The following URB1 variants were observed in gnomAD, a reference collection of about 807,000 sequenced individuals.
The protein encoded by URB1 is URB1 ribosome biogenesis factor, also known as nucleolar pre-ribosomal-associated protein 1.
A neutral mutation model predicts 242.3 loss-of-function variants in URB1; 197 were observed. The ratio of observed to expected loss-of-function variants is 0.81; its 90% CI spans 0.72 to 0.91. The LOEUF (loss-of-function observed/expected upper bound fraction) is 0.91. URB1 is among the 40% of genes least tolerant of loss of function. The pLI is 0.00. For synonymous variants in URB1, 1,153 were observed against 1,201.8 expected (o/e 0.96, Z 0.84); for missense variants, 2,721 against 2,860.5 (o/e 0.95, Z 1.11).
chr21:32,320,460 G>T, intron 35 of URB1, 71 bp downstream of exon 35: 1 of 1,134,802 alleles, frequency 8.8e-7, no homozygotes, highest in Non-Finnish European at 1.3e-6. Flanking sequence ...AACAGAGCTG[G>T]CAGCAGACGT....
intron 14 of URB1, among the ~76,000 whole-genome samples, chr21:32,358,633 C>T (rs796826855): frequency 6.6e-6 from 1 of 152,096 alleles, no homozygotes; most frequent in Admixed American, 6.5e-5. Context: ...TAAGGTGGGG[C>T]GCAGGATATA....
intron 3 of URB1, among the ~76,000 whole-genome samples, chr21:32,383,773 T>C (rs2033552493): frequency 6.6e-6 from 1 of 152,108 alleles, no homozygotes; most frequent in Admixed American, 6.5e-5. Flanking sequence ...ATTAACAATA[T>C]AAACACAAGA....
At position 32,314,806 on chromosome 21, in the gene URB1, C is replaced by A; in HGVS notation, c.*112G>T. On this transcript the variant is annotated 3_prime_UTR_variant, in exon 39 of 39. Coordinates refer to ENST00000382751, the MANE Select transcript of URB1 (RefSeq NM_014825.3). ...CAAAGAACTGAGCCAATGTACTGAA[C>A]CTGTTGTTTCCCATGCCTTCTCTGG... 2.7e-6 allele frequency: 4 copies of A among 1,465,450 alleles called. No individual in the cohort carries two copies. Among genetic ancestry groups the A allele is most frequent in the Non-Finnish European group, 3.7e-6 (4 of 1,083,902 alleles). 90.8% of individuals were successfully genotyped at this position (1,465,450 alleles called of 1,614,324 possible).
At chr21:32,378,050 C>T (rs1051201743) in intron 5 of URB1, among the ~76,000 whole-genome samples, 1 of 152,178 alleles carries the variant, frequency 6.6e-6, no homozygotes, top group African/African-American at 2.4e-5. Context: ...CAGGTCTAAG[C>T]CACCAAAGAA....
intron 13 of URB1, among the ~76,000 whole-genome samples, chr21:32,360,205 G>C (rs746667348): frequency 6.6e-6 from 1 of 152,110 alleles, no homozygotes; most frequent in African/African-American, 2.4e-5. Context: ...CACCCACCAA[G>C]TGCCCTCCAG....
chr21:32,312,082 ATT>A lies in URB1; in HGVS notation c.*2834_*2835del. On this transcript the variant is annotated 3_prime_UTR_variant, in exon 39 of 39. Coordinates refer to ENST00000382751, the MANE Select transcript of URB1 (RefSeq NM_014825.3). ...ACGTTCCTCGTTCTTCTTAGAGGCC[ATT>A]TGCATGTAGCAGAAAGGGCACCTAG... is the stretch of plus-strand genomic sequence containing the variant. 6.3e-7 allele frequency: 1 copy of A among 1,598,054 alleles called. No individual in the cohort carries two copies. The highest frequency in any genetic ancestry group is 2.2e-5 in the East Asian group (1 of 44,786).
chr21:32,350,058 G>C (rs1320115117), intron 20 of URB1, among the ~76,000 whole-genome samples: 1 of 148,120 alleles, frequency 6.8e-6, no homozygotes, highest in Non-Finnish European at 1.5e-5. Context: ...GGGAGGCAGA[G>C]GTTGCAGTGA....
At chr21:32,357,001 C>T (rs1466194929) in intron 15 of URB1, among the ~76,000 whole-genome samples, 3 of 152,210 alleles carry the variant, frequency 2.0e-5, no homozygotes, top group Non-Finnish European at 4.4e-5. Flanking sequence ...AACCTCTGTA[C>T]CCTAAACATA....
chr21:32,333,074 T>C lies in URB1; in HGVS notation c.4960+243A>G, dbSNP rs571632225. 3.0e-3 allele frequency: 1,449 copies of C among 487,896 alleles called. 3 individuals are homozygous for C. Among genetic ancestry groups the C allele is most frequent in the Admixed American group, 6.2e-3 (168 of 27,072 alleles). 30.2% of individuals were successfully genotyped at this position (487,896 alleles called of 1,614,324 possible). A position where few individuals can be genotyped will look rare whatever the true frequency, so the allele number is the denominator to read the frequency against. Reference sequence around the variant, plus strand: ...GGAATTAGGAAAACATCAAAGACAATTGGACATTTCCAGATTTTAAAATTA... The same window carrying C: ...GGAATTAGGAAAACATCAAAGACAACTGGACATTTCCAGATTTTAAAATTA... On this transcript the variant is annotated intron_variant, in intron 30 of 38. Coordinates refer to ENST00000382751, the MANE Select transcript of URB1 (RefSeq NM_014825.3).
intron 38 of URB1, among the ~76,000 whole-genome samples, 169 bp downstream of exon 38, chr21:32,316,297 T>TGG (rs1335819500): frequency 6.6e-6 from 1 of 152,222 alleles, no homozygotes. Flanking sequence ...CACTGCCCAG[T>TGG]GGCAAGCTCT....
chr21:32,387,264 T>G (rs976062182), intron 1 of URB1, among the ~76,000 whole-genome samples: 1 of 152,064 alleles, frequency 6.6e-6, no homozygotes, highest in African/African-American at 2.4e-5. Flanking sequence ...GCCCACAGAA[T>G]TCTCCTGCCA....
At chr21:32,320,479 C>T (rs567566764) in intron 35 of URB1, 52 bp downstream of exon 35, 2 of 1,343,786 alleles carry the variant, frequency 1.5e-6, no homozygotes, top group South Asian at 2.6e-5. Flanking sequence ...GTCATCGTTT[C>T]TGTTCCTTTC....
chr21:32,354,205 A>G (rs2033192720), intron 17 of URB1, 102 bp from the exon 18 acceptor site: 1 of 1,361,878 alleles, frequency 7.3e-7, no homozygotes, highest in Non-Finnish European at 9.9e-7. Flanking sequence ...CAAAAAGAAA[A>G]AAGCCAAATT....
intron 9 of URB1, among the ~76,000 whole-genome samples, chr21:32,367,783 G>C (rs1233672294): frequency 6.6e-6 from 1 of 152,160 alleles, no homozygotes; most frequent in African/African-American, 2.4e-5. Context: ...AGCCCAGATG[G>C]AGAAGAGATA....
chr21:32,360,993 AC>A lies in URB1; in HGVS notation c.1756+13del. On this transcript the variant is annotated intron_variant, in intron 13 of 38. Coordinates refer to ENST00000382751, the MANE Select transcript of URB1 (RefSeq NM_014825.3). ...GCAACAGTGGCGGCTTGTCTGCAAGACCTTGAAACCCACCTTTCAGGAGCTT... is the reference window on the plus strand; with the variant it reads ...GCAACAGTGGCGGCTTGTCTGCAAGACTTGAAACCCACCTTTCAGGAGCTT... The A allele has an allele frequency of 6.5e-7, 1 of 1,528,826 alleles. No individual in the cohort carries two copies. The highest frequency in any genetic ancestry group is 1.7e-4 in the Middle Eastern group (1 of 5,920). The allele number at this position is 1,528,826 out of a possible 1,614,324, so 94.7% of individuals were successfully genotyped here. A position where few individuals can be genotyped will look rare whatever the true frequency, so the allele number is the denominator to read the frequency against.
intron 35 of URB1, 33 bp downstream of exon 35, chr21:32,320,498 C>T: frequency 6.8e-7 from 1 of 1,464,844 alleles, no homozygotes; most frequent in Non-Finnish European, 9.3e-7. Context: ...TCCTTCCCAC[C>T]TGACGCGCAC....
intron 8 of URB1, 25 bp downstream of exon 8, chr21:32,372,482 G>A (rs777020479): frequency 9.0e-6 from 14 of 1,547,826 alleles, no homozygotes; most frequent in African/African-American, 2.7e-5. Context: ...CACACCCTGG[G>A]GTCCACAAGA....
chr21:32,390,949 A>G (rs893854798), intron 1 of URB1, among the ~76,000 whole-genome samples: 1 of 152,238 alleles, frequency 6.6e-6, no homozygotes, highest in African/African-American at 2.4e-5. Flanking sequence ...TCACAATAGC[A>G]AAGACTTGGA....
At position 32,355,443 on chromosome 21, in the gene URB1, G is replaced by C; in HGVS notation, c.2106+6C>G. On this transcript the variant is annotated splice_donor_region_variant and intron_variant, in intron 16 of 38. Coordinates refer to ENST00000382751, the MANE Select transcript of URB1 (RefSeq NM_014825.3). ...ATGTTCCTTTATGTGGGAAATATGT[G>C]CTTACGCGTTCCAGAAACTGAATCA... The C allele has an allele frequency of 6.5e-7, 1 of 1,549,898 alleles. No homozygotes were observed. The highest frequency in any genetic ancestry group is 1.2e-5 in the South Asian group (1 of 84,030).
Sources: allele counts gnomAD v4.1 joint callset (sites outside exome capture counted in the v4.1 genomes callset), GRCh38; gene constraint gnomAD v4.1.1; transcripts MANE v1.5; gene names NCBI Gene and HGNC (gene_info 2026-07-23, HGNC 2026-07-21).